Variants in OSBP2 observed in about 807,000 individuals in gnomAD.
OSBP2 encodes oxysterol binding protein 2, also known as oxysterol-binding protein 2.
A neutral mutation model predicts 96.0 loss-of-function variants in OSBP2; 66 were observed. That is an observed-to-expected ratio of 0.69 (90% CI 0.56 to 0.84). The LOEUF is 0.84. OSBP2 is among the 40% of genes least tolerant of loss of function. The probability of loss-of-function intolerance (pLI) is 0.00; values close to 1 mark genes in which losing one functional copy is unlikely to be tolerated. For synonymous variants in OSBP2, 525 were observed against 520.9 expected, an observed-to-expected ratio of 1.01 and a Z score of -0.11; for missense variants, 1,038 against 1,222.7, an observed-to-expected ratio of 0.85 and a Z score of 2.25.
Position 30,893,132 on chromosome 22 carries a change from A to C in OSBP2, c.1880A>C (p.His627Pro), listed in dbSNP as rs1602429254. ...LRSLCEQVSH[H>P]PPSAAHYVFS... is the part of the protein sequence containing the mutation. ...TGGGTCTGGTCTCAGGTGAGCCACCACCCCCCCTCAGCTGCGCACTACGTG... is the reference window on the plus strand; with the variant it reads ...TGGGTCTGGTCTCAGGTGAGCCACCCCCCCCCCTCAGCTGCGCACTACGTG... Residue 627 changes from histidine to proline, a missense_variant, in exon 9 of 14, where the codon CAC becomes CCC. Coordinates refer to ENST00000332585, the MANE Select transcript of OSBP2 (RefSeq NM_030758.4). The C allele has an allele frequency of 6.2e-7, 1 of 1,612,836 alleles. No homozygotes were observed. Among genetic ancestry groups the C allele is most frequent in the Non-Finnish European group, 8.5e-7 (1 of 1,179,730 alleles).
At chr22:30,730,371 A>G (rs537396926) in intron 1 of OSBP2, among the ~76,000 whole-genome samples, 21 of 152,000 alleles carry the variant, frequency 1.4e-4, no homozygotes, top group African/African-American at 5.1e-4. Flanking sequence ...TGGAGTGAGC[A>G]CCTCCCTTAT....
At chr22:30,847,742 G>T (rs2038898884) in intron 2 of OSBP2, among the ~76,000 whole-genome samples, 1 of 152,018 alleles carries the variant, frequency 6.6e-6, no homozygotes, top group Admixed American at 6.6e-5. Context: ...TGTTTATTTT[G>T]TCTAAGTTGT....
intron 1 of OSBP2, among the ~76,000 whole-genome samples, chr22:30,730,748 CTCTCTCTCTCTCTCTCTCT>C (rs1394663655): frequency 1.7e-4 from 7 of 42,000 alleles, no homozygotes; most frequent in Admixed American, 2.8e-4. Context: ...CTCTCTCTCT[CTCTCTCTCTCTCTCTCTCT>C]CTCTCTCTAT....
chr22:30,821,677 G>T (rs2038276686), intron 2 of OSBP2, among the ~76,000 whole-genome samples: 1 of 152,066 alleles, frequency 6.6e-6, no homozygotes, highest in Admixed American at 6.5e-5. Context: ...CCTGGCGGAG[G>T]CGGTGGGCGC....
chr22:30,734,998 C>T (rs1015126530), intron 1 of OSBP2, among the ~76,000 whole-genome samples: 1 of 152,106 alleles, frequency 6.6e-6, no homozygotes, highest in Non-Finnish European at 1.5e-5. Context: ...CAAGACCAGC[C>T]TAGGCAACAT....
At chr22:30,903,850 T>A (rs2040269055) in intron 12 of OSBP2, among the ~76,000 whole-genome samples, 1 of 152,224 alleles carries the variant, frequency 6.6e-6, no homozygotes, top group African/African-American at 2.4e-5. Flanking sequence ...ATAGCCAAAA[T>A]GGGTCTAGAA....
intron 12 of OSBP2, among the ~76,000 whole-genome samples, chr22:30,900,721 G>C (rs936450150): frequency 7.2e-5 from 11 of 152,208 alleles, no homozygotes; most frequent in African/African-American, 2.6e-4. Flanking sequence ...TATGGAAAAA[G>C]ATGCACTTAA....
chr22:30,757,198 C>T (rs2090152209), intron 2 of OSBP2, among the ~76,000 whole-genome samples: 1 of 152,124 alleles, frequency 6.6e-6, no homozygotes. Flanking sequence ...TGCCTCCTGC[C>T]ACACTGCAAA....
chr22:30,905,446 C>A (rs2040310206), intron 12 of OSBP2, among the ~76,000 whole-genome samples: 1 of 151,346 alleles, frequency 6.6e-6, no homozygotes, highest in Admixed American at 6.6e-5. Context: ...CCAGCGGAGA[C>A]CCTGTCTTAA....
intron 2 of OSBP2, among the ~76,000 whole-genome samples, chr22:30,859,728 A>G (rs2039170435): frequency 6.6e-6 from 1 of 152,278 alleles, no homozygotes; most frequent in Admixed American, 6.5e-5. Context: ...TGGGAAAAGC[A>G]TGATGGGCCG....
chr22:30,711,182 A>G (rs1461702698), intron 1 of OSBP2, among the ~76,000 whole-genome samples: 1 of 146,308 alleles, frequency 6.8e-6, no homozygotes, highest in Non-Finnish European at 1.5e-5. Flanking sequence ...CATTGTTTCT[A>G]GGTCTTTTTA....
At chr22:30,717,090 T>TGTGTGTGTGTG (rs1555907469) in intron 1 of OSBP2, among the ~76,000 whole-genome samples, 26 of 118,414 alleles carry the variant, frequency 2.2e-4, no homozygotes, top group African/African-American at 7.9e-4. Flanking sequence ...TTTACTGTTT[T>TGTGTGTGTGTG]TGTGTGTGTG....
intron 2 of OSBP2, among the ~76,000 whole-genome samples, chr22:30,759,425 C>T (rs1055566722): frequency 6.6e-6 from 1 of 152,062 alleles, no homozygotes; most frequent in Non-Finnish European, 1.5e-5. Flanking sequence ...CTACCTGTGG[C>T]CTTAACCCAA....
At chr22:30,694,786 C>T, upstream of OSBP2, 2 of 584,046 alleles carry the variant, frequency 3.4e-6, no homozygotes, top group Non-Finnish European at 4.3e-6. Context: ...GCGCACGGGA[C>T]CGCGGAGGAA....
intron 1 of OSBP2, 102 bp from the exon 2 acceptor site, chr22:30,741,059 C>A: frequency 1.1e-6 from 1 of 920,962 alleles, no homozygotes; most frequent in Non-Finnish European, 1.7e-6. Context: ...CCTCTCCCAG[C>A]TCTGAGGGTC....
At chr22:30,822,841 G>A in intron 2 of OSBP2, 2 of 719,902 alleles carry the variant, frequency 2.8e-6, no homozygotes, top group Non-Finnish European at 4.2e-6. Flanking sequence ...GGGGAGCGCG[G>A]GGAGCCTCGG....
At chr22:30,805,736 T>C (rs2090919850) in intron 2 of OSBP2, among the ~76,000 whole-genome samples, 1 of 152,002 alleles carries the variant, frequency 6.6e-6, no homozygotes, top group Non-Finnish European at 1.5e-5. Context: ...CTGCTGGAGG[T>C]GGTGTTCCCA....
At chr22:30,735,813 C>G (rs2089845940) in intron 1 of OSBP2, among the ~76,000 whole-genome samples, 1 of 152,084 alleles carries the variant, frequency 6.6e-6, no homozygotes, top group Non-Finnish European at 1.5e-5. Flanking sequence ...ACCTCCTTCT[C>G]CCAAGTTTGA....
intron 1 of OSBP2, among the ~76,000 whole-genome samples, chr22:30,720,998 G>C (rs570351064): frequency 4.5e-4 from 69 of 152,276 alleles, no homozygotes; most frequent in Non-Finnish European, 7.8e-4. Context: ...GCCGAGGCAG[G>C]CAGATCACTT....
Sources: allele counts gnomAD v4.1 joint callset (sites outside exome capture counted in the v4.1 genomes callset), GRCh38; gene constraint gnomAD v4.1.1; transcripts MANE v1.5; gene names NCBI Gene and HGNC (gene_info 2026-07-23, HGNC 2026-07-21).